The following RBFOX1 variants were observed in gnomAD, a reference collection of about 807,000 sequenced individuals.
The protein encoded by RBFOX1 is RNA binding protein fox-1 homolog 1.
RBFOX1 carries 8 observed loss-of-function variants against 57.7 expected under a neutral mutation model. The observed-to-expected ratio is 0.14, with a 90% CI of 0.08 to 0.25. The LOEUF (loss-of-function observed/expected upper bound fraction) is 0.25, where lower values mean the gene tolerates loss of function less well. Among genes scored for constraint, RBFOX1 ranks in the 10% least tolerant of loss-of-function variants. The pLI is 1.00. For missense variants in RBFOX1, 611 were observed against 548.5 expected (o/e 1.11, Z -1.14); for synonymous variants, 326 against 222.4 (o/e 1.47, Z -4.15).
At chr16:7,009,899 A>C (rs1174338784) in intron 3 of RBFOX1, among the ~76,000 whole-genome samples, 1 of 152,224 alleles carries the variant, frequency 6.6e-6, no homozygotes, top group Non-Finnish European at 1.5e-5. Flanking sequence ...TTTAGCTGTG[A>C]ACAAGTTTAA....
intron 4 of RBFOX1, among the ~76,000 whole-genome samples, chr16:7,513,318 C>T (rs1459218171): frequency 6.6e-6 from 1 of 151,798 alleles, no homozygotes; most frequent in Non-Finnish European, 1.5e-5. Context: ...AAGTGAACTC[C>T]CCACCAGGTG....
At chr16:6,451,890 C>G (rs2094634572) in intron 2 of RBFOX1, among the ~76,000 whole-genome samples, 3 of 148,894 alleles carry the variant, frequency 2.0e-5, no homozygotes, top group Admixed American at 2.0e-4. Flanking sequence ...CCATCCATGG[C>G]CACTCCCTCC....
Position 6,197,406 on chromosome 16 carries a change from A to T in RBFOX1, c.-126-119589A>T, listed in dbSNP as rs2097187000. The stretch of plus-strand genomic sequence containing the variant: ...CCATCCGCAATCTGCACCATGGTGA[A>T]TCACATGTGGTTTCAGCTTACCCAT... On this transcript the variant is annotated intron_variant, in intron 1 of 15. Coordinates refer to ENST00000550418, the MANE Select transcript of RBFOX1 (RefSeq NM_018723.4). 1.3e-5 allele frequency among the ~76,000 whole-genome samples: 2 copies of T among 152,078 alleles called. 1 individual carries two copies. Among genetic ancestry groups the T allele is most frequent in the South Asian group, 4.1e-4 (2 of 4,826 alleles).
chr16:6,513,053 C>G (rs1415508639), intron 2 of RBFOX1, among the ~76,000 whole-genome samples: 1 of 152,266 alleles, frequency 6.6e-6, no homozygotes, highest in South Asian at 2.1e-4. Context: ...GCACATCAAT[C>G]AATATGGCAC....
intron 3 of RBFOX1, among the ~76,000 whole-genome samples, chr16:6,688,395 T>C (rs571158598): frequency 1.1e-4 from 16 of 152,260 alleles, no homozygotes; most frequent in Admixed American, 3.9e-4. Flanking sequence ...AGGATTACAA[T>C]TGGGCATGTG....
intron 4 of RBFOX1, among the ~76,000 whole-genome samples, chr16:7,240,577 C>G (rs4479247): frequency 0.27 from 40,657 of 151,908 alleles, 5,896 homozygotes; most frequent in Middle Eastern, 0.43. Context: ...TGTTTTGAGA[C>G]AGGGTCTCAC....
At chr16:5,606,562 T>G (rs893365431) in intron 3 of RBFOX1, among the ~76,000 whole-genome samples, 2 of 152,066 alleles carry the variant, frequency 1.3e-5, no homozygotes, top group African/African-American at 2.4e-5. Context: ...CAGTCACTGC[T>G]AAGAGTTGGA....
At chr16:6,480,312 G>A (rs2095353338) in intron 2 of RBFOX1, among the ~76,000 whole-genome samples, 2 of 152,054 alleles carry the variant, frequency 1.3e-5, no homozygotes, top group Admixed American at 1.3e-4. Flanking sequence ...CATGTAAAGG[G>A]CCAGAGAGTA....
chr16:6,445,097 G>A (rs748896845), intron 2 of RBFOX1, among the ~76,000 whole-genome samples: 1 of 152,096 alleles, frequency 6.6e-6, no homozygotes, highest in Non-Finnish European at 1.5e-5. Context: ...CAGGCAGAAG[G>A]AGAGTAATGC....
chr16:5,454,776 T>G (rs1175018674), intron 1 of RBFOX1, among the ~76,000 whole-genome samples: 1 of 32,792 alleles, frequency 3.0e-5, no homozygotes, highest in Admixed American at 2.8e-4. Flanking sequence ...TCTCTTTCTT[T>G]CTTTCTTTCT....
chr16:5,496,296 T>C (rs1216726513), intron 2 of RBFOX1, among the ~76,000 whole-genome samples: 2 of 152,160 alleles, frequency 1.3e-5, no homozygotes, highest in Admixed American at 6.5e-5. Context: ...CACGCTGGTG[T>C]CAAGAGCCTG....
At chr16:5,680,629 C>G (rs991431079) in intron 3 of RBFOX1, among the ~76,000 whole-genome samples, 1 of 151,982 alleles carries the variant, frequency 6.6e-6, no homozygotes, top group Non-Finnish European at 1.5e-5. Flanking sequence ...TTAAAGTCAG[C>G]GGAGTGAAGG....
At chr16:7,126,569 G>A (rs890917189) in intron 4 of RBFOX1, 42 of 202,526 alleles carry the variant, frequency 2.1e-4, no homozygotes, top group Middle Eastern at 2.8e-3. Flanking sequence ...GGCACAGTTC[G>A]TGCAGCAAAT....
At chr16:5,741,748 C>T (rs533306949) in intron 3 of RBFOX1, among the ~76,000 whole-genome samples, 5 of 152,226 alleles carry the variant, frequency 3.3e-5, no homozygotes, top group Admixed American at 3.3e-4. Flanking sequence ...TCCACAAGGA[C>T]GTATTTTATA....
At chr16:6,544,842 T>C (rs1037163394) in intron 2 of RBFOX1, among the ~76,000 whole-genome samples, 5 of 152,224 alleles carry the variant, frequency 3.3e-5, no homozygotes. Flanking sequence ...AGTGATATTA[T>C]GATGGGGCTT....
At chr16:6,146,324 C>G (rs1181787821) in intron 1 of RBFOX1, among the ~76,000 whole-genome samples, 1 of 152,138 alleles carries the variant, frequency 6.6e-6, no homozygotes. Flanking sequence ...CCATTTTTAG[C>G]TGTTCAATGG....
intron 4 of RBFOX1, among the ~76,000 whole-genome samples, chr16:5,908,081 T>TACAC (rs1597735835): frequency 2.1e-5 from 3 of 143,632 alleles, no homozygotes; most frequent in Non-Finnish European, 4.5e-5. Context: ...TATATATATA[T>TACAC]ATATACACAT....
intron 1 of RBFOX1, among the ~76,000 whole-genome samples, chr16:6,197,845 C>T (rs1432054055): frequency 6.6e-6 from 1 of 152,014 alleles, no homozygotes; most frequent in African/African-American, 2.4e-5. Context: ...TTGTTCCCTT[C>T]GTGTCCATGA....
intron 2 of RBFOX1, among the ~76,000 whole-genome samples, chr16:6,649,128 C>T (rs1285417990): frequency 2.6e-5 from 4 of 152,114 alleles, no homozygotes; most frequent in Non-Finnish European, 4.4e-5. Context: ...GAGGGTAGTC[C>T]CTGCCAGCCC....
Sources: gnomAD v4.1 joint callset for allele counts (sites outside exome capture counted in the v4.1 genomes callset) on GRCh38, gnomAD v4.1.1 for gene constraint, MANE v1.5 for transcripts, NCBI Gene and HGNC (gene_info 2026-07-23, HGNC 2026-07-21) for gene names.